Variants in MUSK observed in about 807,000 individuals in gnomAD.
The protein encoded by MUSK is muscle, skeletal receptor tyrosine-protein kinase.
Under a neutral mutation model 88.7 loss-of-function variants are expected in MUSK, and 55 were observed. The ratio of observed to expected loss-of-function variants is 0.62; its 90% CI spans 0.50 to 0.78. The LOEUF is 0.78. Ranked by LOEUF, MUSK falls within the 30% of genes least tolerant of loss-of-function variation. The probability of loss-of-function intolerance (pLI) is 0.00; values close to 1 mark genes in which losing one functional copy is unlikely to be tolerated. For missense variants in MUSK, 1,015 were observed against 1,074.3 expected (o/e 0.94, Z 0.77); for synonymous variants, 387 against 391.9 (o/e 0.99, Z 0.15).
At position 110,689,551 on chromosome 9, in the gene MUSK, A is replaced by AG. The variant is rs1209989256; in HGVS notation, c.358+2283_358+2284insG. Among the ~76,000 whole-genome samples the AG allele has an allele frequency of 1.1e-3, 113 of 105,412 alleles. 3 individuals are homozygous for AG. The highest frequency in any genetic ancestry group is 4.0e-3 in the African/African-American group (98 of 24,292). 69.2% of individuals were successfully genotyped at this position (105,412 alleles called of 152,430 possible). The stretch of plus-strand genomic sequence containing the variant: ...TATATATAAATATATAGTTATATAT[A>AG]TTTATATATTATATATATTTATATA... On this transcript the variant is annotated intron_variant, in intron 3 of 14. Coordinates refer to ENST00000374448, the MANE Select transcript of MUSK (RefSeq NM_005592.4).
intron 5 of MUSK, among the ~76,000 whole-genome samples, chr9:110,701,655 TA>T (rs201062938): frequency 1.1e-4 from 1 of 8,918 alleles, no homozygotes; most frequent in South Asian, 2.2e-3. Context: ...CTCAGCTATT[TA>T]TTTTATTTAT....
chr9:110,696,219 A>G (rs1350939059), intron 4 of MUSK, among the ~76,000 whole-genome samples: 1 of 151,940 alleles, frequency 6.6e-6, no homozygotes, highest in East Asian at 1.9e-4. Flanking sequence ...AGAGGTTGCA[A>G]GTGAGCCAAG....
rs141438909 is a variant in MUSK at position 110,800,185 on chromosome 9, C to G, written c.1928-121C>G. The G allele has an allele frequency of 4.4e-4, 397 of 894,800 alleles. 1 individual carries two copies. The East Asian group carries it at 9.1e-3, about 21-fold the overall frequency. The allele number at this position is 894,800 out of a possible 1,614,324, so 55.4% of individuals were successfully genotyped here. ...ATACAAATATTAAAAAACAAACATA[C>G]GACAACAACAACAAAAAACAGGGCT... On this transcript the variant is annotated intron_variant, in intron 14 of 14. Coordinates refer to ENST00000374448, the MANE Select transcript of MUSK (RefSeq NM_005592.4).
At chr9:110,730,696 A>G (rs192009474) in intron 5 of MUSK, among the ~76,000 whole-genome samples, 14 of 152,198 alleles carry the variant, frequency 9.2e-5, no homozygotes, top group Admixed American at 3.9e-4. Context: ...CTTGAAAAAC[A>G]TGTCAAAATT....
chr9:110,694,176 T>A (rs1239609286), intron 3 of MUSK, among the ~76,000 whole-genome samples: 1 of 130,914 alleles, frequency 7.6e-6, no homozygotes, highest in Non-Finnish European at 1.6e-5. Context: ...ATCAAGATCA[T>A]CCTGACAACA....
Position 110,687,210 on chromosome 9 carries a change from G to C in MUSK, c.300G>C (p.Thr100=), listed in dbSNP as rs180928221. The C allele has an allele frequency of 1.9e-6, 3 of 1,613,844 alleles. No homozygotes were observed. The Admixed American group carries it at 5.0e-5, about 27-fold the overall frequency. ...EDSDDGIYCC[T]ANNGVGGAVE... is the part of the protein sequence containing the mutation. Reference sequence around the variant, plus strand: ...GTGATGATGGCATTTACTGCTGCACGGCCAACAATGGTGTGGGAGGAGCTG... The same window carrying C: ...GTGATGATGGCATTTACTGCTGCACCGCCAACAATGGTGTGGGAGGAGCTG... The change falls in exon 3 of 15, where the codon ACG becomes ACC. Residue 100 remains threonine, a synonymous_variant. Coordinates refer to ENST00000374448, the MANE Select transcript of MUSK (RefSeq NM_005592.4).
In MUSK at chr9:110,781,523, G is replaced by A. The variant is rs1195476975; in HGVS notation, c.1385-3292G>A. Among the ~76,000 whole-genome samples the A allele has an allele frequency of 5.9e-5, 9 of 152,214 alleles. No individual in the cohort carries two copies. The South Asian group carries it at 1.4e-3, about 25-fold the overall frequency. On this transcript the variant is annotated intron_variant, in intron 11 of 14. Coordinates refer to ENST00000374448, the MANE Select transcript of MUSK (RefSeq NM_005592.4). ...GATCTCCTGACCTCGTGATTCACCC[G>A]CCTTAGCCTCCCAAAGTGCTGGGAT...
In MUSK at chr9:110,784,803, C is replaced by A; in HGVS notation, c.1385-12C>A. The A allele has an allele frequency of 6.3e-7, 1 of 1,589,230 alleles. No individual in the cohort carries two copies. Among genetic ancestry groups the A allele is most frequent in the South Asian group, 1.2e-5 (1 of 85,878 alleles). ...TTTGAGAATGAATGAAATAATTATTCTTTACTTACAGCATTCCCACCAATG... is the reference window on the plus strand; with the variant it reads ...TTTGAGAATGAATGAAATAATTATTATTTACTTACAGCATTCCCACCAATG... On this transcript the variant is annotated splice_polypyrimidine_tract_variant and intron_variant, in intron 11 of 14. Coordinates refer to ENST00000374448, the MANE Select transcript of MUSK (RefSeq NM_005592.4).
At chr9:110,755,940 A>ATATATATACACG (rs1346318772) in intron 7 of MUSK, among the ~76,000 whole-genome samples, 1 of 76,188 alleles carries the variant, frequency 1.3e-5, no homozygotes, top group African/African-American at 5.8e-5. Context: ...ATACATATAT[A>ATATATATACACG]TATATATATA....
rs1342063060 is a variant in MUSK, at chr9:110,689,769, A to AG, written c.358+2501_358+2502insG. Among the ~76,000 whole-genome samples, 168 of 49,858 alleles carry AG rather than the reference A, an allele frequency of 3.4e-3. 8 individuals are homozygous for AG. The highest frequency in any genetic ancestry group is 5.3e-3 in the Non-Finnish European group (143 of 26,978). The allele number at this position is 49,858 out of a possible 152,430, so 32.7% of individuals were successfully genotyped here. A position where few individuals can be genotyped will look rare whatever the true frequency, so the allele number is the denominator to read the frequency against. ...TATATATTATATATAAACTATATATATCACATATAGTTTATATATTTTTTA... is the reference window on the plus strand; with the variant it reads ...TATATATTATATATAAACTATATATAGTCACATATAGTTTATATATTTTTTA... On this transcript the variant is annotated intron_variant, in intron 3 of 14. Coordinates refer to ENST00000374448, the MANE Select transcript of MUSK (RefSeq NM_005592.4).
At position 110,689,435 on chromosome 9, in the gene MUSK, T is replaced by C. The variant is rs539909699; in HGVS notation, c.358+2167T>C. Among the ~76,000 whole-genome samples the C allele has an allele frequency of 4.4e-3, 466 of 105,882 alleles. 16 individuals carry two copies. The highest frequency in any genetic ancestry group is 0.02 in the African/African-American group (439 of 22,468). The allele number at this position is 105,882 out of a possible 152,430, so 69.5% of individuals were successfully genotyped here. The stretch of plus-strand genomic sequence containing the variant: ...ATTTATATATAATATATGTAAAAAA[T>C]ATTAAAATATGTAAAAAATACATAT... On this transcript the variant is annotated intron_variant, in intron 3 of 14. Coordinates refer to ENST00000374448, the MANE Select transcript of MUSK (RefSeq NM_005592.4).
chr9:110,755,940 A>G (rs1185628016), intron 7 of MUSK, among the ~76,000 whole-genome samples: 1 of 76,200 alleles, frequency 1.3e-5, no homozygotes, highest in African/African-American at 5.8e-5. Flanking sequence ...ATACATATAT[A>G]TATATATATA....
intron 13 of MUSK, among the ~76,000 whole-genome samples, chr9:110,786,634 T>C (rs2077871582): frequency 6.6e-6 from 1 of 152,090 alleles, no homozygotes; most frequent in African/African-American, 2.4e-5. Context: ...ATATAATGTA[T>C]AGATATTAAG....
At chr9:110,781,428 C>T (rs911713369) in intron 11 of MUSK, among the ~76,000 whole-genome samples, 18 of 152,122 alleles carry the variant, frequency 1.2e-4, no homozygotes, top group South Asian at 2.1e-4. Flanking sequence ...AGGCGCCCAC[C>T]ACCATGCCCA....
At chr9:110,790,281 T>C (rs976943092) in intron 14 of MUSK, among the ~76,000 whole-genome samples, 1 of 151,070 alleles carries the variant, frequency 6.6e-6, no homozygotes, top group African/African-American at 2.4e-5. Flanking sequence ...AGAGGAAATG[T>C]AAGTGAGCTC....
chr9:110,750,436 C>G (rs1485697091), intron 7 of MUSK, among the ~76,000 whole-genome samples: 1 of 152,058 alleles, frequency 6.6e-6, no homozygotes, highest in Non-Finnish European at 1.5e-5. Flanking sequence ...GCCCAGGGGA[C>G]CTCCCTGGCT....
At chr9:110,749,311 A>C (rs2077218260) in intron 7 of MUSK, among the ~76,000 whole-genome samples, 2 of 152,208 alleles carry the variant, frequency 1.3e-5, no homozygotes, top group Non-Finnish European at 2.9e-5. Context: ...ATACAACAGC[A>C]GAACAAGAGA....
In MUSK at chr9:110,804,532, AAC is replaced by A. The variant is rs1274160277; in HGVS notation, c.*3546_*3547del. On this transcript the variant is annotated 3_prime_UTR_variant, in exon 15 of 15. Transcript: ENST00000374448. ...GAATGTTTCTTGTTCCTAGGTCATT[AAC>A]AGTTTTTATTTTGGCAATTGTCTAC... is the stretch of plus-strand genomic sequence containing the variant. 1.3e-5 allele frequency among the ~76,000 whole-genome samples: 2 copies of A among 152,022 alleles called. No individual in the cohort carries two copies. The highest frequency in any genetic ancestry group is 2.9e-5 in the Non-Finnish European group (2 of 67,914).
At chr9:110,775,724 C>T (rs971546261) in intron 9 of MUSK, 64 bp from the exon 10 acceptor site, 39 of 1,462,874 alleles carry the variant, frequency 2.7e-5, no homozygotes, top group Admixed American at 5.1e-5. Flanking sequence ...AATTTAGGCT[C>T]TGCCACAAAT....
Sources: allele counts gnomAD v4.1 joint callset (sites outside exome capture counted in the v4.1 genomes callset), GRCh38; gene constraint gnomAD v4.1.1; transcripts MANE v1.5; gene names NCBI Gene and HGNC (gene_info 2026-07-23, HGNC 2026-07-21).